The following TGIF1 variants were observed in gnomAD, a reference collection of about 807,000 sequenced individuals.
The protein encoded by TGIF1 is homeobox protein TGIF1.
TGIF1 carries 4 observed loss-of-function variants against 19.3 expected under a neutral mutation model. That is an observed-to-expected ratio of 0.21 (90% CI 0.10 to 0.47). The LOEUF (loss-of-function observed/expected upper bound fraction) is 0.47, where lower values mean the gene tolerates loss of function less well. TGIF1 is among the 20% of genes least tolerant of loss of function. The probability of loss-of-function intolerance (pLI) is 0.98; values close to 1 mark genes in which losing one functional copy is unlikely to be tolerated. For synonymous variants in TGIF1, 122 were observed against 129.3 expected (o/e 0.94, Z 0.38); for missense variants, 275 against 341.4 (o/e 0.81, Z 1.53).
chr18:3,412,692 T>C (rs1416664290), intron 1 of TGIF1, among the ~76,000 whole-genome samples: 2 of 152,316 alleles, frequency 1.3e-5, no homozygotes, highest in East Asian at 3.9e-4. Flanking sequence ...TGGTTCCTTA[T>C]ATCGAGTGGC....
At chr18:3,446,595 G>A (rs2082750594), upstream of TGIF1, among the ~76,000 whole-genome samples, 1 of 152,210 alleles carries the variant, frequency 6.6e-6, no homozygotes, top group Admixed American at 6.5e-5. Context: ...GCTAGGAAAA[G>A]TGACTAAAAA....
intron 1 of TGIF1, among the ~76,000 whole-genome samples, chr18:3,454,801 T>A (rs918464662): frequency 2.0e-5 from 3 of 152,246 alleles, no homozygotes; most frequent in African/African-American, 7.2e-5. Flanking sequence ...TGCAAGATCA[T>A]CCACCTCTTT....
chr18:3,456,353 G>A lies in TGIF1; in HGVS notation c.17-1G>A. 6.2e-7 allele frequency: 1 copy of A among 1,614,100 alleles called. No homozygotes were observed. Among genetic ancestry groups the A allele is most frequent in the Non-Finnish European group, 8.5e-7 (1 of 1,179,958 alleles). On this transcript the variant is annotated splice_acceptor_variant, in intron 1 of 2. Transcript: ENST00000343820. LOFTEE classifies it high-confidence loss of function. This position sits in a 1 kb window ranked among gnomAD's most constrained non-coding sequence, Gnocchi z 4.2. The stretch of plus-strand genomic sequence containing the variant: ...GACAACTGGCCCTTGTCCTTTCCTA[G>A]GTATTGTTGCAGCATCTGGCAGTGA...
At chr18:3,424,021 G>A (rs753440491) in intron 2 of TGIF1, among the ~76,000 whole-genome samples, 5 of 152,164 alleles carry the variant, frequency 3.3e-5, no homozygotes, top group African/African-American at 4.8e-5. Flanking sequence ...ACATTGTGGC[G>A]CTTCCGCAGC....
At chr18:3,450,047 C>T, upstream of TGIF1, 2 of 994,732 alleles carry the variant, frequency 2.0e-6, no homozygotes, top group Non-Finnish European at 2.4e-6. Flanking sequence ...CCGCCGCGCT[C>T]GGTCCAGTCT....
chr18:3,413,648 T>C (rs1312737512), intron 1 of TGIF1, among the ~76,000 whole-genome samples: 1 of 151,982 alleles, frequency 6.6e-6, no homozygotes, highest in East Asian at 1.9e-4. Context: ...GGCGGGAGGA[T>C]CACTTGAACT....
intron 2 of TGIF1, among the ~76,000 whole-genome samples, chr18:3,441,187 A>G (rs1016523454): frequency 1.3e-5 from 2 of 152,172 alleles, no homozygotes; most frequent in African/African-American, 2.4e-5. Context: ...AATTAAGTCA[A>G]TTGGGCTTAT....
At chr18:3,417,464 T>G (rs1040736190) in intron 1 of TGIF1, among the ~76,000 whole-genome samples, 23 of 152,226 alleles carry the variant, frequency 1.5e-4, no homozygotes, top group Admixed American at 1.3e-4. Flanking sequence ...CTACCCTGTT[T>G]GTTAAATAAA....
chr18:3,417,327 T>G (rs1201124771), intron 1 of TGIF1, among the ~76,000 whole-genome samples: 10 of 152,102 alleles, frequency 6.6e-5, no homozygotes, highest in Non-Finnish European at 1.5e-4. Flanking sequence ...GTCCGGCTAA[T>G]TTTTGTATTT....
chr18:3,422,523 G>A (rs1226622753), intron 2 of TGIF1, among the ~76,000 whole-genome samples: 1 of 151,296 alleles, frequency 6.6e-6, no homozygotes, highest in African/African-American at 2.4e-5. Context: ...ATAAAATGTA[G>A]CCAAAGTGTA....
intron 2 of TGIF1, among the ~76,000 whole-genome samples, chr18:3,426,993 G>A (rs1265050620): frequency 1.4e-5 from 2 of 144,724 alleles, no homozygotes; most frequent in Non-Finnish European, 3.0e-5. Context: ...GCATGATCTC[G>A]GCTCACTGCA....
chr18:3,447,567 C>T, upstream of TGIF1: 1 of 768,640 alleles, frequency 1.3e-6, no homozygotes, highest in Non-Finnish European at 2.3e-6. Context: ...ACTTTCTTCC[C>T]AGAATGCACC....
At chr18:3,426,459 G>A (rs1361313979) in intron 2 of TGIF1, among the ~76,000 whole-genome samples, 1 of 152,080 alleles carries the variant, frequency 6.6e-6, no homozygotes, top group Non-Finnish European at 1.5e-5. Context: ...ATGAGTCACT[G>A]CCCCTGGCCC....
intron 1 of TGIF1, chr18:3,452,195 T>A (rs1182311987): frequency 1.2e-6 from 2 of 1,609,474 alleles, no homozygotes. Flanking sequence ...CGACCCCCTC[T>A]GCGCTCCTGG....
chr18:3,429,397 T>A (rs145323876), intron 2 of TGIF1, among the ~76,000 whole-genome samples: 45 of 152,204 alleles, frequency 3.0e-4, no homozygotes, highest in Non-Finnish European at 5.9e-4. Flanking sequence ...CTACTGCTAG[T>A]TGGACATGGG....
At position 3,458,093 on chromosome 18, in the gene TGIF1, A is replaced by T; in HGVS notation, c.*153A>T. 1 of 673,216 alleles carries T rather than the reference A, an allele frequency of 1.5e-6. No homozygotes were observed. Among genetic ancestry groups the T allele is most frequent in the Non-Finnish European group, 2.5e-6 (1 of 397,202 alleles). The allele number at this position is 673,216 out of a possible 1,614,324, so 41.7% of individuals were successfully genotyped here. ...TACTGAGATGTCTTCAATGGAATACAGTCATTCCAAGAACTATAAACTTAA... is the reference window on the plus strand; with the variant it reads ...TACTGAGATGTCTTCAATGGAATACTGTCATTCCAAGAACTATAAACTTAA... On this transcript the variant is annotated 3_prime_UTR_variant, in exon 3 of 3. Transcript: ENST00000343820.
intron 2 of TGIF1, among the ~76,000 whole-genome samples, chr18:3,441,689 T>C (rs1301674043): frequency 1.3e-5 from 2 of 152,238 alleles, no homozygotes; most frequent in African/African-American, 2.4e-5. Context: ...ATTGTACTTA[T>C]GTTAAGGGAG....
In TGIF1 at chr18:3,435,061, G is replaced by A. The variant is rs75809854; in HGVS notation, c.-45+16846G>A. Among the ~76,000 whole-genome samples the A allele has an allele frequency of 4.6e-3, 695 of 152,172 alleles. 3 individuals carry two copies. Among genetic ancestry groups the A allele is most frequent in the African/African-American group, 0.016 (663 of 41,516 alleles). On this transcript the variant is annotated intron_variant, in intron 2 of 3. Coordinates refer to the TGIF1 transcript ENST00000401449. Reference sequence around the variant, plus strand: ...ATGCTTTAAGTGTCTGTAGTAATTTGTATGTAAGTGTCAAATACCAAGGCA... The same window carrying A: ...ATGCTTTAAGTGTCTGTAGTAATTTATATGTAAGTGTCAAATACCAAGGCA...
At chr18:3,439,060 C>G (rs1840901706) in intron 2 of TGIF1, among the ~76,000 whole-genome samples, 1 of 152,098 alleles carries the variant, frequency 6.6e-6, no homozygotes, top group South Asian at 2.1e-4. Flanking sequence ...ATCAGGCAAG[C>G]AGGATCATTC....
Sources: gnomAD v4.1 joint callset for allele counts (sites outside exome capture counted in the v4.1 genomes callset) on GRCh38, gnomAD v4.1.1 for gene constraint, Gnocchi (gnomAD v3.1) non-coding constraint, MANE v1.5 for transcripts, NCBI Gene and HGNC (gene_info 2026-07-23, HGNC 2026-07-21) for gene names.